The following RBFOX1 variants were observed in gnomAD, a reference collection of about 807,000 sequenced individuals.
RBFOX1 encodes RNA binding fox-1 homolog 1.
A neutral mutation model predicts 57.7 loss-of-function variants in RBFOX1; 8 were observed. The observed-to-expected ratio is 0.14, with a 90% CI of 0.08 to 0.25. The LOEUF is 0.25. Ranked by LOEUF, RBFOX1 falls within the 10% of genes least tolerant of loss-of-function variation. The pLI is 1.00. For synonymous variants in RBFOX1, 326 were observed against 222.4 expected, an observed-to-expected ratio of 1.47 and a Z score of -4.15; for missense variants, 611 against 548.5, an observed-to-expected ratio of 1.11 and a Z score of -1.14.
intron 3 of RBFOX1, among the ~76,000 whole-genome samples, chr16:5,865,584 G>T (rs972995589): frequency 6.6e-6 from 1 of 152,196 alleles, no homozygotes; most frequent in African/African-American, 2.4e-5. Flanking sequence ...GGGAGTGAGT[G>T]TGGGAGAGTT....
At chr16:5,682,729 G>A (rs2050378755) in intron 3 of RBFOX1, among the ~76,000 whole-genome samples, 2 of 152,238 alleles carry the variant, frequency 1.3e-5, no homozygotes, top group African/African-American at 4.8e-5. Context: ...TATGTTGAAA[G>A]AGAGGTGTCT....
intron 2 of RBFOX1, among the ~76,000 whole-genome samples, chr16:6,604,617 A>G (rs2097901325): frequency 6.6e-6 from 1 of 152,234 alleles, no homozygotes; most frequent in African/African-American, 2.4e-5. Flanking sequence ...ACTGTTGTAT[A>G]TGGGTACTGA....
chr16:7,581,335 G>C (rs1171681679), intron 6 of RBFOX1, among the ~76,000 whole-genome samples: 1 of 152,166 alleles, frequency 6.6e-6, no homozygotes, highest in Admixed American at 6.5e-5. Context: ...TGAGAGTCGA[G>C]GTTAAGTGTG....
At chr16:7,216,372 A>G (rs12597825) in intron 4 of RBFOX1, among the ~76,000 whole-genome samples, 101,165 of 152,004 alleles carry the variant, frequency 0.67, 34,139 homozygotes, top group East Asian at 0.96. Flanking sequence ...CATCTACCCT[A>G]GACCGGGCGC....
At chr16:5,356,291 A>G (rs917110080) in intron 1 of RBFOX1, among the ~76,000 whole-genome samples, 1 of 152,170 alleles carries the variant, frequency 6.6e-6, no homozygotes, top group Non-Finnish European at 1.5e-5. Flanking sequence ...TGACACCTTG[A>G]TTTTGAACTT....
At chr16:6,096,087 A>G (rs2096242303) in intron 1 of RBFOX1, among the ~76,000 whole-genome samples, 2 of 152,234 alleles carry the variant, frequency 1.3e-5, no homozygotes, top group African/African-American at 4.8e-5. Flanking sequence ...CCGTGTTGCC[A>G]TGGAAACAGA....
Position 7,547,062 on chromosome 16 carries a change from C to T in RBFOX1, c.270+28673C>T, listed in dbSNP as rs556336097. Among the ~76,000 whole-genome samples the T allele has an allele frequency of 9.2e-4, 140 of 151,730 alleles. 1 individual carries two copies. Among genetic ancestry groups the T allele is most frequent in the Admixed American group, 2.2e-3 (34 of 15,220 alleles). On this transcript the variant is annotated intron_variant, in intron 5 of 15. Transcript: ENST00000550418. ...AGTGTCCTGTCTCCTGCACTCACAC[C>T]AGTATCAAGCATTATCTCAGAGTGA...
intron 1 of RBFOX1, among the ~76,000 whole-genome samples, chr16:5,296,466 G>C (rs1306617000): frequency 1.3e-5 from 2 of 151,970 alleles, no homozygotes; most frequent in Non-Finnish European, 2.9e-5. Flanking sequence ...GATGTTCTGG[G>C]CCAGATACTG....
At chr16:6,860,943 T>C (rs1442112991) in intron 3 of RBFOX1, among the ~76,000 whole-genome samples, 1 of 152,160 alleles carries the variant, frequency 6.6e-6, no homozygotes, top group East Asian at 1.9e-4. Context: ...ATATATTCTC[T>C]TGGGGTCTAT....
rs1302564252 is a variant in RBFOX1, at chr16:5,377,587, GGAGA to G, written c.220-89620_220-89617del. ...AGGAAAGGAAAGAGAGGAGATGGGG[GGAGA>G]GAGAGAGAAAGAACAAGAGAGAGAC... On this transcript the variant is annotated intron_variant, in intron 1 of 2. Transcript: ENST00000585867. Among the ~76,000 whole-genome samples, 19 of 147,704 alleles carry G rather than the reference GGAGA, an allele frequency of 1.3e-4. 1 individual carries two copies. The East Asian group carries it at 3.3e-3, about 26-fold the overall frequency.
At chr16:6,380,350 C>T (rs1355245769) in intron 2 of RBFOX1, among the ~76,000 whole-genome samples, 3 of 146,050 alleles carry the variant, frequency 2.1e-5, no homozygotes, top group Non-Finnish European at 4.5e-5. Context: ...AGGCTGAAGA[C>T]CCCTCCCCAA....
chr16:7,603,594 C>G (rs183033311), intron 9 of RBFOX1, among the ~76,000 whole-genome samples: 1 of 151,984 alleles, frequency 6.6e-6, no homozygotes, highest in Non-Finnish European at 1.5e-5. Flanking sequence ...AACATGAAGT[C>G]GACTTTGTGA....
At chr16:6,858,667 A>T in intron 3 of RBFOX1, among the ~76,000 whole-genome samples, 1 of 152,300 alleles carries the variant, frequency 6.6e-6, no homozygotes, top group East Asian at 1.9e-4. Context: ...TCTACTAAAA[A>T]ATAGAAACAA....
chr16:6,816,384 C>G (rs935754421), intron 3 of RBFOX1, among the ~76,000 whole-genome samples: 2 of 151,206 alleles, frequency 1.3e-5, no homozygotes, highest in African/African-American at 4.9e-5. Flanking sequence ...GAAAGTCAAT[C>G]TTCGGTTTTG....
intron 4 of RBFOX1, among the ~76,000 whole-genome samples, chr16:7,457,792 C>G (rs1031050511): frequency 6.6e-6 from 1 of 151,856 alleles, no homozygotes; most frequent in Admixed American, 6.6e-5. Flanking sequence ...AGCATCTAGC[C>G]TCACACCAAG....
chr16:7,615,701 A>G lies in RBFOX1; in HGVS notation c.676+8363A>G, dbSNP rs376137668. On this transcript the variant is annotated intron_variant, in intron 10 of 15. Transcript: ENST00000550418. ...GGCAATTTCTGGAAACATTTGTTTC[A>G]TTGTTACATCTTGGGTGGTGGTGGG... Among the ~76,000 whole-genome samples, 15 of 151,436 alleles carry G rather than the reference A, an allele frequency of 9.9e-5. No homozygotes were observed. The East Asian group carries it at 2.7e-3, about 28-fold the overall frequency.
chr16:7,580,063 A>C (rs111513335), intron 6 of RBFOX1, 143 bp downstream of exon 6: 1 of 877,392 alleles, frequency 1.1e-6, no homozygotes, highest in African/African-American at 1.7e-5. Context: ...CTGCAGGTAT[A>C]TTGTGGCTAG....
At chr16:6,885,332 T>C (rs535686609) in intron 3 of RBFOX1, among the ~76,000 whole-genome samples, 4 of 152,228 alleles carry the variant, frequency 2.6e-5, no homozygotes, top group East Asian at 3.9e-4. Flanking sequence ...AGCTCTAGGG[T>C]TTGGGTGTCT....
intron 3 of RBFOX1, among the ~76,000 whole-genome samples, chr16:6,671,115 C>T (rs1338847202): frequency 6.6e-6 from 1 of 152,196 alleles, no homozygotes; most frequent in Non-Finnish European, 1.5e-5. Context: ...TCTTTTGACC[C>T]AATCTTACTC....
Sources: allele counts gnomAD v4.1 joint callset (sites outside exome capture counted in the v4.1 genomes callset), GRCh38; gene constraint gnomAD v4.1.1; transcripts MANE v1.5; gene names NCBI Gene and HGNC (gene_info 2026-07-23, HGNC 2026-07-21).